Variants in SPMAP2 observed in about 807,000 individuals in gnomAD.
SPMAP2 encodes Theg homolog.
chr19:376,020 T>C, the SPMAP2 span: 3 of 1,377,758 alleles, frequency 2.2e-6, no homozygotes, highest in South Asian at 2.0e-5. Context: ...GGCACCCAAA[T>C]GTGTCTGTGG....
chr19:371,171 CG>C, the SPMAP2 span: 2 of 1,291,030 alleles, frequency 1.5e-6, no homozygotes, highest in Non-Finnish European at 2.1e-6. Context: ...GCCCGCCTGG[CG>C]GGGGTGAGTC....
chr19:362,076 T>C, the SPMAP2 span: 1 of 618,758 alleles, frequency 1.6e-6, no homozygotes, highest in Admixed American at 3.8e-5. Context: ...AAAATAAATA[T>C]TATTGTCCTC....
the SPMAP2 span, chr19:373,621 G>A: frequency 1.4e-5 from 19 of 1,322,208 alleles, no homozygotes; most frequent in Admixed American, 1.9e-5. Flanking sequence ...GAGGGTGGCC[G>A]AGGTGGGGTG....
the SPMAP2 span, among the ~76,000 whole-genome samples, chr19:375,324 G>A: frequency 6.6e-6 from 1 of 151,894 alleles, no homozygotes; most frequent in Non-Finnish European, 1.5e-5. Flanking sequence ...TATTCTCTCT[G>A]TCTGACTTGA....
At chr19:374,254 C>T in the SPMAP2 span, 44 of 1,604,858 alleles carry the variant, frequency 2.7e-5, no homozygotes, top group Non-Finnish European at 3.5e-5. Context: ...GCAGAGAAAG[C>T]CGCCCACGCT....
At chr19:374,203 G>C in the SPMAP2 span, 2 of 1,560,116 alleles carry the variant, frequency 1.3e-6, no homozygotes, top group Non-Finnish European at 1.7e-6. Flanking sequence ...AGCTGGGGGA[G>C]GGGAGCCGAG....
At chr19:375,840 T>C in the SPMAP2 span, 2 of 1,603,562 alleles carry the variant, frequency 1.2e-6, no homozygotes, top group Admixed American at 1.7e-5. Context: ...GCGTTCGGGG[T>C]CTGTGACCCG....
the SPMAP2 span, among the ~76,000 whole-genome samples, chr19:374,995 G>A: frequency 3.9e-5 from 6 of 152,332 alleles, no homozygotes; most frequent in African/African-American, 1.4e-4. Flanking sequence ...AGCCCCATGA[G>A]GGCAGGGCAG....
chr19:374,560 G>T, the SPMAP2 span: 63 of 1,224,754 alleles, frequency 5.1e-5, 1 homozygote, highest in Middle Eastern at 5.6e-4. Flanking sequence ...CCCTCGAGGG[G>T]TCTCTGAGGG....
At chr19:375,955 GCCTGCTGTCCC>G in the SPMAP2 span, 3 of 1,440,604 alleles carry the variant, frequency 2.1e-6, no homozygotes, top group Non-Finnish European at 2.7e-6. Context: ...AGTGACCTTC[GCCTGCTGTCCC>G]CCATACACCG....
At chr19:366,964 G>T in the SPMAP2 span, 2 of 1,291,870 alleles carry the variant, frequency 1.5e-6, no homozygotes, top group Non-Finnish European at 2.1e-6. Context: ...TCTCTTTCAT[G>T]GGGGAGAGCT....
chr19:367,805 T>C, the SPMAP2 span, among the ~76,000 whole-genome samples: 1 of 152,128 alleles, frequency 6.6e-6, no homozygotes, highest in Non-Finnish European at 1.5e-5. Context: ...GCCCGGCCGC[T>C]GGGGGCTGCA....
At chr19:371,193 CG>C in the SPMAP2 span, 1 of 1,422,254 alleles carries the variant, frequency 7.0e-7, no homozygotes, top group Non-Finnish European at 9.3e-7. Flanking sequence ...GCGGGGGGCA[CG>C]GGGCACCCAC....
chr19:372,925 A>G, the SPMAP2 span, among the ~76,000 whole-genome samples: 25 of 152,210 alleles, frequency 1.6e-4, no homozygotes, highest in Non-Finnish European at 2.8e-4. Context: ...TTTCTCGGAC[A>G]CCGGATGGGA....
chr19:367,050 G>T, the SPMAP2 span: 12 of 1,612,680 alleles, frequency 7.4e-6, no homozygotes, highest in Non-Finnish European at 1.0e-5. Flanking sequence ...TGCCTAGCCT[G>T]AGGCACCTAC....
chr19:367,234 G>A, the SPMAP2 span: 2 of 1,586,248 alleles, frequency 1.3e-6, no homozygotes, highest in Non-Finnish European at 1.7e-6. Context: ...CCTGGAAAGA[G>A]AAATAGAGAG....
chr19:375,844 T>C, the SPMAP2 span: 1 of 1,603,448 alleles, frequency 6.2e-7, no homozygotes, highest in Non-Finnish European at 8.5e-7. Context: ...TCGGGGTCTG[T>C]GACCCGCCGG....
the SPMAP2 span, among the ~76,000 whole-genome samples, chr19:364,206 G>GA: frequency 2.7e-5 from 4 of 150,486 alleles, no homozygotes; most frequent in African/African-American, 7.3e-5. Context: ...GCGTGGTGGC[G>GA]GCTGCCTGTA....
chr19:374,754 A>G, the SPMAP2 span: 1 of 281,832 alleles, frequency 3.5e-6, no homozygotes, highest in Non-Finnish European at 6.8e-6. Flanking sequence ...CTCATCTCAC[A>G]GACATCTGTC....
Sources: gnomAD v4.1 joint callset for allele counts (sites outside exome capture counted in the v4.1 genomes callset) on GRCh38, gnomAD v4.1.1 for gene constraint, MANE v1.5 for transcripts, NCBI Gene and HGNC (gene_info 2026-07-23, HGNC 2026-07-21) for gene names.